IRF2BP2: variants seen among roughly 807,000 people sequenced by gnomAD.
IRF2BP2 encodes the protein interferon regulatory factor 2 binding protein 2, also known as interferon regulatory factor 2-binding protein 2.
Under a neutral mutation model 32.7 loss-of-function variants are expected in IRF2BP2, and 13 were observed. The observed-to-expected ratio is 0.40, with a 90% CI of 0.26 to 0.63. The LOEUF (loss-of-function observed/expected upper bound fraction) is 0.63, where lower values mean the gene tolerates loss of function less well. Ranked by LOEUF, IRF2BP2 falls within the 30% of genes least tolerant of loss-of-function variation. IRF2BP2 has a pLI of 0.42. For synonymous variants in IRF2BP2, 555 were observed against 384.6 expected, an observed-to-expected ratio of 1.44 and a Z score of -5.18; for missense variants, 980 against 830.6, an observed-to-expected ratio of 1.18 and a Z score of -2.21.
rs1313087170 is a variant in IRF2BP2 at position 234,605,416 on chromosome 1, G to C, written c.*1721C>G. The C allele has an allele frequency of 6.6e-6, 1 of 152,202 alleles. No homozygotes were observed. The highest frequency in any genetic ancestry group is 1.5e-5 in the Non-Finnish European group (1 of 68,030). 9.4% of individuals were successfully genotyped at this position (152,202 alleles called of 1,614,324 possible). A position where few individuals can be genotyped will look rare whatever the true frequency, so the allele number is the denominator to read the frequency against. Reference sequence around the variant, plus strand: ...CATGAATTCTCGCACAGTAGTAATAGGTGCACTCATTAAAAACACTACGGA... The same window carrying C: ...CATGAATTCTCGCACAGTAGTAATACGTGCACTCATTAAAAACACTACGGA... On this transcript the variant is annotated 3_prime_UTR_variant, in exon 2 of 2. Coordinates refer to ENST00000366609, the MANE Select transcript of IRF2BP2 (RefSeq NM_182972.3).
rs1330148081 is a variant in IRF2BP2, at chr1:234,609,956, G to A, written c.-462C>T. On this transcript the variant is annotated 5_prime_UTR_variant, in exon 1 of 2. Coordinates refer to ENST00000366609, the MANE Select transcript of IRF2BP2 (RefSeq NM_182972.3). ...GGGGGGCAGGGGGCGGGGGGCGGCC[G>A]CCGGGGCAGGCTCAGCCCGAGCGGC... Among the ~76,000 whole-genome samples, 5 of 142,198 alleles carry A rather than the reference G, an allele frequency of 3.5e-5. No homozygotes were observed. In the East Asian group the frequency reaches 1.1e-3, roughly 30 times the overall value. 93.3% of individuals were successfully genotyped at this position (142,198 alleles called of 152,430 possible).
At position 234,606,964 on chromosome 1, in the gene IRF2BP2, T is replaced by C; in HGVS notation, c.*173A>G. 1 of 553,926 alleles carries C rather than the reference T, an allele frequency of 1.8e-6. No homozygotes were observed. Among genetic ancestry groups the C allele is most frequent in the Non-Finnish European group, 3.1e-6 (1 of 320,394 alleles). The allele number at this position is 553,926 out of a possible 1,614,324, so 34.3% of individuals were successfully genotyped here. ...TGTCTTTATAAGTACATACCTTTTG[T>C]CGTCAAAAAAAATATAGAAACACAA... On this transcript the variant is annotated 3_prime_UTR_variant, in exon 2 of 2. Coordinates refer to ENST00000366609, the MANE Select transcript of IRF2BP2 (RefSeq NM_182972.3).
Position 234,609,872 on chromosome 1 carries a change from A to AGCGCAGCAGGTCGCGGCGGC in IRF2BP2, c.-398_-379dup, listed in dbSNP as rs1362218406. ...AAGACGGGCCGCGCGGGCGCGGGGG[A>AGCGCAGCAGGTCGCGGCGGC]GCGCAGCAGGTCGCGGCGGCGGCCG... On this transcript the variant is annotated 5_prime_UTR_variant, in exon 1 of 2. Coordinates refer to ENST00000366609, the MANE Select transcript of IRF2BP2 (RefSeq NM_182972.3). Among the ~76,000 whole-genome samples, 42 of 114,978 alleles carry AGCGCAGCAGGTCGCGGCGGC rather than the reference A, an allele frequency of 3.7e-4. No individual in the cohort carries two copies. The highest frequency in any genetic ancestry group is 1.4e-3 in the African/African-American group (42 of 30,696). 75.4% of individuals were successfully genotyped at this position (114,978 alleles called of 152,430 possible). A position where few individuals can be genotyped will look rare whatever the true frequency, so the allele number is the denominator to read the frequency against.
rs1244024623 is a variant in IRF2BP2, at chr1:234,608,430, T to C, written c.1048+17A>G. Reference sequence around the variant, plus strand: ...CCTTTTCTCCCCTAGACCCCCTCACTTCACAGCCGCCCCTACCTGCTTTAG... The same window carrying C: ...CCTTTTCTCCCCTAGACCCCCTCACCTCACAGCCGCCCCTACCTGCTTTAG... On this transcript the variant is annotated intron_variant, in intron 1 of 1. Coordinates refer to ENST00000366609, the MANE Select transcript of IRF2BP2 (RefSeq NM_182972.3). 10 of 1,491,868 alleles carry C rather than the reference T, an allele frequency of 6.7e-6. No homozygotes were observed. Among genetic ancestry groups the C allele is most frequent in the Non-Finnish European group, 8.1e-6 (9 of 1,115,282 alleles). 92.4% of individuals were successfully genotyped at this position (1,491,868 alleles called of 1,614,324 possible). A position where few individuals can be genotyped will look rare whatever the true frequency, so the allele number is the denominator to read the frequency against.
chr1:234,609,852 G>A lies in IRF2BP2; in HGVS notation c.-358C>T, dbSNP rs1048902042. ...CGGGCCTCCAGACCGGGGCGAAGAC[G>A]GGCCGCGCGGGCGCGGGGGAGCGCA... On this transcript the variant is annotated 5_prime_UTR_variant, in exon 1 of 2. Coordinates refer to ENST00000366609, the MANE Select transcript of IRF2BP2 (RefSeq NM_182972.3). 1.4e-5 allele frequency among the ~76,000 whole-genome samples: 2 copies of A among 141,708 alleles called. No homozygotes were observed. Among genetic ancestry groups the A allele is most frequent in the African/African-American group, 5.1e-5 (2 of 39,464 alleles). The allele number at this position is 141,708 out of a possible 152,430, so 93.0% of individuals were successfully genotyped here.
rs368846725 is a variant in IRF2BP2 at position 234,607,701 on chromosome 1, C to T, written c.1200G>A (p.Pro400=). Residue 400 remains proline, a synonymous_variant, in exon 2 of 2, where the codon CCG becomes CCA. Transcript: ENST00000366609. ...AATGAGGTGAGGCAGTGGGTGGTGG[C>T]GGAGACACAAAAGAGGATGTAGGAG... ...PMTPTSSFVS[P]PPPTASPHSN... The T allele has an allele frequency of 8.1e-6, 13 of 1,613,988 alleles. No homozygotes were observed. Among genetic ancestry groups the T allele is most frequent in the Non-Finnish European group, 1.0e-5 (12 of 1,180,030 alleles).
chr1:234,608,988 G>A lies in IRF2BP2; in HGVS notation c.507C>T (p.Pro169=), dbSNP rs780532302. The part of the protein sequence containing the change: ...PNGFSKLEEP[P]ELNRQSPNPR... ...GGTTCGGGCTCTGGCGATTCAGCTC[G>A]GGCGGCTCCTCTAGCTTGGAGAAGC... Residue 169 remains proline, a synonymous_variant, in exon 1 of 2, where the codon CCC becomes CCT. Coordinates refer to ENST00000366609, the MANE Select transcript of IRF2BP2 (RefSeq NM_182972.3). 3.7e-6 allele frequency: 5 copies of A among 1,352,366 alleles called. No homozygotes were observed. The South Asian group carries it at 6.4e-5, about 17-fold the overall frequency. The allele number at this position is 1,352,366 out of a possible 1,614,324, so 83.8% of individuals were successfully genotyped here.
Position 234,607,550 on chromosome 1 carries a change from T to G in IRF2BP2, c.1351A>C (p.Thr451Pro). 6.2e-7 allele frequency: 1 copy of G among 1,614,192 alleles called. No individual in the cohort carries two copies. Among genetic ancestry groups the G allele is most frequent in the Non-Finnish European group, 8.5e-7 (1 of 1,180,030 alleles). The change falls in exon 2 of 2, where the codon ACC becomes CCC. Residue 451 changes from threonine (T) to proline (P), a missense_variant. Coordinates refer to ENST00000366609, the MANE Select transcript of IRF2BP2 (RefSeq NM_182972.3). ...GGCGGACTGTTGCTATTCCTCCTGG[T>G]AGTGGAGTGAACCTGGTTGGCATCT... The part of the protein sequence containing the change: ...SKDANQVHST[T>P]RRNSNSPPSP...
chr1:234,608,244 G>A (rs1672221141), intron 1 of IRF2BP2: 5 of 557,244 alleles, frequency 9.0e-6, no homozygotes, highest in South Asian at 5.2e-5. Flanking sequence ...GAGCGTATCA[G>A]CCCAGTCTGA....
rs945221623 is a variant in IRF2BP2, at chr1:234,605,205, A to G, written c.*1932T>C. On this transcript the variant is annotated 3_prime_UTR_variant, in exon 2 of 2. Coordinates refer to ENST00000366609, the MANE Select transcript of IRF2BP2 (RefSeq NM_182972.3). ...TAGATACACATTTATACAACAGACC[A>G]TAAGAGCTGAATTCTTTACAAATGT... 2.0e-5 allele frequency: 3 copies of G among 152,262 alleles called. No homozygotes were observed. The highest frequency in any genetic ancestry group is 6.5e-5 in the Admixed American group (1 of 15,288). The allele number at this position is 152,262 out of a possible 1,614,324, so 9.4% of individuals were successfully genotyped here.
In IRF2BP2 at chr1:234,606,976, AT is replaced by A. The variant is rs1672180234; in HGVS notation, c.*160del. Reference sequence around the variant, plus strand: ...TACATACCTTTTGTCGTCAAAAAAAATATAGAAACACAATGTATTCAAAAAA... The same window carrying A: ...TACATACCTTTTGTCGTCAAAAAAAAATAGAAACACAATGTATTCAAAAAA... On this transcript the variant is annotated 3_prime_UTR_variant, in exon 2 of 2. Coordinates refer to ENST00000366609, the MANE Select transcript of IRF2BP2 (RefSeq NM_182972.3). 16 of 589,762 alleles carry A rather than the reference AT, an allele frequency of 2.7e-5. No homozygotes were observed. Among genetic ancestry groups the A allele is most frequent in the South Asian group, 1.2e-4 (5 of 40,464 alleles). 36.5% of individuals were successfully genotyped at this position (589,762 alleles called of 1,614,324 possible). A position where few individuals can be genotyped will look rare whatever the true frequency, so the allele number is the denominator to read the frequency against.
rs1044235027 is a variant in IRF2BP2 at position 234,610,112 on chromosome 1, G to C, written c.-618C>G. On this transcript the variant is annotated 5_prime_UTR_variant, in exon 1 of 2. Transcript: ENST00000366609. ...TCTCCAGCGCCAGCGTCAGCGGCCA[G>C]CCCGCCTCAGCTCCGCCGCCGCCAC... Among the ~76,000 whole-genome samples, 2 of 148,252 alleles carry C rather than the reference G, an allele frequency of 1.3e-5. No individual in the cohort carries two copies. The highest frequency in any genetic ancestry group is 4.9e-5 in the African/African-American group (2 of 41,066).
chr1:234,607,980 A>T (rs1185266385), intron 1 of IRF2BP2, 128 bp from the exon 2 acceptor site: 1 of 729,128 alleles, frequency 1.4e-6, no homozygotes, highest in Non-Finnish European at 2.2e-6. Flanking sequence ...ACAGACAGAA[A>T]ATACTCATAT....
Position 234,606,508 on chromosome 1 carries a change from T to A in IRF2BP2, c.*629A>T, listed in dbSNP as rs544271845. 2 of 152,166 alleles carry A rather than the reference T, an allele frequency of 1.3e-5. No individual in the cohort carries two copies. The highest frequency in any genetic ancestry group is 4.1e-4 in the South Asian group (2 of 4,828). 9.4% of individuals were successfully genotyped at this position (152,166 alleles called of 1,614,324 possible). The stretch of plus-strand genomic sequence containing the variant: ...AAAAGACCACACAATCCTGAAAATT[T>A]CCCAGCAGCACTCTCAGTCATCAGT... On this transcript the variant is annotated 3_prime_UTR_variant, in exon 2 of 2. Coordinates refer to ENST00000366609, the MANE Select transcript of IRF2BP2 (RefSeq NM_182972.3).
chr1:234,609,792 C>CGGGCGCGGCGGT lies in IRF2BP2; in HGVS notation c.-310_-299dup, dbSNP rs1672296966. 7.0e-6 allele frequency among the ~76,000 whole-genome samples: 1 copy of CGGGCGCGGCGGT among 142,552 alleles called. No individual in the cohort carries two copies. Among genetic ancestry groups the CGGGCGCGGCGGT allele is most frequent in the Non-Finnish European group, 1.6e-5 (1 of 64,504 alleles). The allele number at this position is 142,552 out of a possible 152,430, so 93.5% of individuals were successfully genotyped here. Reference sequence around the variant, plus strand: ...CGGGCGGCGCGGCGCGGCGGGGCGGCGGGCGCGGCGGTGGGGGCTCGGCCG... The same window carrying CGGGCGCGGCGGT: ...CGGGCGGCGCGGCGCGGCGGGGCGGCGGGCGCGGCGGTGGGCGCGGCGGTGGGGGCTCGGCCG... On this transcript the variant is annotated 5_prime_UTR_variant, in exon 1 of 2. Transcript: ENST00000366609.
At position 234,609,407 on chromosome 1, in the gene IRF2BP2, A is replaced by C. The variant is rs1672277845; in HGVS notation, c.88T>G (p.Trp30Gly). 1 of 1,565,374 alleles carries C rather than the reference A, an allele frequency of 6.4e-7. No homozygotes were observed. The highest frequency in any genetic ancestry group is 1.8e-5 in the Admixed American group (1 of 55,132). ...CGGCAGACGGGTTCGGTGAAGTCCCAGATCATGGCCCAGGGCATGCGGGGC... is the reference window on the plus strand; with the variant it reads ...CGGCAGACGGGTTCGGTGAAGTCCCCGATCATGGCCCAGGGCATGCGGGGC... ...DLPRMPWAMI[W>G]DFTEPVCRGC... The change falls in exon 1 of 2, where the codon TGG becomes GGG. Residue 30 changes from tryptophan to glycine, a missense_variant. Physicochemically the swap from Trp to Gly is radical, Grantham distance 184 (BLOSUM62 -2). Coordinates refer to ENST00000366609, the MANE Select transcript of IRF2BP2 (RefSeq NM_182972.3).
chr1:234,607,556 A>G lies in IRF2BP2; in HGVS notation c.1345T>C (p.Ser449Pro). Residue 449 changes from serine (S) to proline (P), a missense_variant, in exon 2 of 2, where the codon TCC (serine) becomes CCC (proline). Transcript: ENST00000366609. The stretch of plus-strand genomic sequence containing the variant: ...CTGTTGCTATTCCTCCTGGTAGTGG[A>G]GTGAACCTGGTTGGCATCTTTTGAG... The part of the protein sequence containing the change: ...HASKDANQVH[S>P]TTRRNSNSPP... The G allele has an allele frequency of 1.9e-6, 3 of 1,614,196 alleles. No individual in the cohort carries two copies. The highest frequency in any genetic ancestry group is 2.5e-6 in the Non-Finnish European group (3 of 1,180,020).
In IRF2BP2 at chr1:234,608,760, A is replaced by AGCG. The variant is rs987000901; in HGVS notation, c.732_734dup (p.Ala246dup). The AGCG allele has an allele frequency of 7.5e-5, 111 of 1,481,842 alleles. No homozygotes were observed. The highest frequency in any genetic ancestry group is 9.1e-5 in the Non-Finnish European group (103 of 1,126,406). 91.8% of individuals were successfully genotyped at this position (1,481,842 alleles called of 1,614,324 possible). On this transcript the variant is annotated inframe_insertion, in exon 1 of 2. Transcript: ENST00000366609. ...CCTCACGCTGCTCGTGCTCCACGGC[A>AGCG]GCGCTGCTCGACACGGATGCCGGCC...
At position 234,609,161 on chromosome 1, in the gene IRF2BP2, G is replaced by C. The variant is rs1370748736; in HGVS notation, c.334C>G (p.Gln112Glu). 7.9e-7 allele frequency: 1 copy of C among 1,272,512 alleles called. No individual in the cohort carries two copies. The highest frequency in any genetic ancestry group is 9.9e-7 in the Non-Finnish European group (1 of 1,012,932). The allele number at this position is 1,272,512 out of a possible 1,614,324, so 78.8% of individuals were successfully genotyped here. A position where few individuals can be genotyped will look rare whatever the true frequency, so the allele number is the denominator to read the frequency against. ...GCCAACGGGTAGCGCTCCAAGGCCTGCGGCGCGCGCGGGGCCGCCTCGGGG... is the reference window on the plus strand; with the variant it reads ...GCCAACGGGTAGCGCTCCAAGGCCTCCGGCGCGCGCGGGGCCGCCTCGGGG... Reference protein sequence around the residue: ...GGPEAAPRAPQALERYPLAAA... With the variant: ...GGPEAAPRAPEALERYPLAAA... The change falls in exon 1 of 2, where the codon CAG becomes GAG. Residue 112 changes from glutamine (Q) to glutamate (E), a missense_variant. Transcript: ENST00000366609.
Sources: gnomAD v4.1 joint callset for allele counts (sites outside exome capture counted in the v4.1 genomes callset) on GRCh38, gnomAD v4.1.1 for gene constraint, MANE v1.5 for transcripts, NCBI Gene and HGNC (gene_info 2026-07-23, HGNC 2026-07-21) for gene names.